Variants in KLF9 observed in about 807,000 individuals in gnomAD.
The protein encoded by KLF9 is KLF transcription factor 9.
In KLF9, 2 loss-of-function variants were observed where a neutral mutation model predicts 17.3. The ratio of observed to expected loss-of-function variants is 0.12; its 90% CI spans 0.05 to 0.36. The LOEUF (loss-of-function observed/expected upper bound fraction) is 0.36. KLF9 is among the 10% of genes least tolerant of loss of function. The pLI, the probability that KLF9 is intolerant of heterozygous loss-of-function variation, is 1.00. For missense variants in KLF9, 226 were observed against 333.2 expected, an observed-to-expected ratio of 0.68 and a Z score of 2.51; for synonymous variants, 138 against 139.2, an observed-to-expected ratio of 0.99 and a Z score of 0.06.
At chr9:70,412,186 CAAAAAAA>C (rs10644898) in intron 1 of KLF9, among the ~76,000 whole-genome samples, 33 of 47,122 alleles carry the variant, frequency 7.0e-4, no homozygotes, top group African/African-American at 2.5e-3. Flanking sequence ...GTCACATGGC[CAAAAAAA>C]AAAAAAAAAA....
At chr9:70,391,790 G>C (rs949931947) in intron 1 of KLF9, among the ~76,000 whole-genome samples, 1 of 152,068 alleles carries the variant, frequency 6.6e-6, no homozygotes, top group Non-Finnish European at 1.5e-5. Flanking sequence ...TTACCAAGTG[G>C]TTGAAAAAAA....
rs2037106087 is a variant in KLF9, at chr9:70,385,767, T to A, written c.*2009A>T. On this transcript the variant is annotated 3_prime_UTR_variant, in exon 2 of 2. Coordinates refer to ENST00000377126, the MANE Select transcript of KLF9 (RefSeq NM_001206.4). ...TATTTTGGACACAGAAATTAAAATTTGGTTTAAAATAAGTGTTTCAAAAAT... is the reference window on the plus strand; with the variant it reads ...TATTTTGGACACAGAAATTAAAATTAGGTTTAAAATAAGTGTTTCAAAAAT... The A allele has an allele frequency of 2.0e-5, 3 of 152,640 alleles. No homozygotes were observed. The highest frequency in any genetic ancestry group is 2.0e-4 in the Admixed American group (3 of 15,286). 9.5% of individuals were successfully genotyped at this position (152,640 alleles called of 1,614,324 possible). A position where few individuals can be genotyped will look rare whatever the true frequency, so the allele number is the denominator to read the frequency against.
chr9:70,391,913 G>T (rs762748410), intron 1 of KLF9, among the ~76,000 whole-genome samples: 2 of 152,224 alleles, frequency 1.3e-5, no homozygotes, highest in African/African-American at 2.4e-5. Flanking sequence ...ATCTACAGCT[G>T]CATTCTCAAA....
Position 70,387,730 on chromosome 9 carries a change from T to A in KLF9, c.*46A>T. 1 of 1,555,190 alleles carries A rather than the reference T, an allele frequency of 6.4e-7. No homozygotes were observed. Among genetic ancestry groups the A allele is most frequent in the Non-Finnish European group, 8.9e-7 (1 of 1,127,802 alleles). ...ACGCGTCTGTTTCCTGGGAGTACTT[T>A]TCTCCTTTCGGGGTCCATCCCTCCC... On this transcript the variant is annotated 3_prime_UTR_variant, in exon 2 of 2. Transcript: ENST00000377126.
At chr9:70,388,111 A>G (rs1193844588) in intron 1 of KLF9, 106 bp from the exon 2 acceptor site, 2 of 894,422 alleles carry the variant, frequency 2.2e-6, no homozygotes, top group Middle Eastern at 2.8e-4. Flanking sequence ...AATCCCTCGG[A>G]GATGATTATT....
At position 70,413,865 on chromosome 9, in the gene KLF9, G is replaced by A. The variant is rs1440286516; in HGVS notation, c.-502C>T. On this transcript the variant is annotated 5_prime_UTR_variant, in exon 1 of 2. Transcript: ENST00000377126. This position sits in a 1 kb window ranked among gnomAD's most constrained non-coding sequence, Gnocchi z 5.6. ...GTGGCGAGGGTCCCGCCGAGCGCCA[G>A]GTCTAAGAGACACTTTTTCCCGAGT... The A allele has an allele frequency of 2.6e-5, 4 of 152,708 alleles. No individual in the cohort carries two copies. Among genetic ancestry groups the A allele is most frequent in the African/African-American group, 7.2e-5 (3 of 41,444 alleles). The allele number at this position is 152,708 out of a possible 1,614,324, so 9.5% of individuals were successfully genotyped here.
In KLF9 at chr9:70,387,752, T is replaced by G; in HGVS notation, c.*24A>C. 3 of 1,607,618 alleles carry G rather than the reference T, an allele frequency of 1.9e-6. No homozygotes were observed. Among genetic ancestry groups the G allele is most frequent in the Non-Finnish European group, 2.6e-6 (3 of 1,174,506 alleles). On this transcript the variant is annotated 3_prime_UTR_variant, in exon 2 of 2. Transcript: ENST00000377126. ...CTTTTCTCCTTTCGGGGTCCATCCCTCCCTGGCTTCCACGGGCAGCACCTC... is the reference window on the plus strand; with the variant it reads ...CTTTTCTCCTTTCGGGGTCCATCCCGCCCTGGCTTCCACGGGCAGCACCTC...
intron 1 of KLF9, among the ~76,000 whole-genome samples, chr9:70,395,136 A>G (rs946145262): frequency 3.3e-5 from 5 of 152,232 alleles, no homozygotes; most frequent in African/African-American, 7.2e-5. Context: ...GAAAAGACAA[A>G]TCAGTGGAAC....
At position 70,395,378 on chromosome 9, in the gene KLF9, A is replaced by C. The variant is rs191112447; in HGVS notation, c.506-7373T>G. Among the ~76,000 whole-genome samples, 26 of 138,242 alleles carry C rather than the reference A, an allele frequency of 1.9e-4. No homozygotes were observed. The East Asian group carries it at 5.6e-3, about 30-fold the overall frequency. The allele number at this position is 138,242 out of a possible 152,430, so 90.7% of individuals were successfully genotyped here. ...AAGCCATAACGATAAAATATAGGTG[A>C]GCATTTTTAGAATCCTGGAATAGAG... On this transcript the variant is annotated intron_variant, in intron 1 of 1. Coordinates refer to ENST00000377126, the MANE Select transcript of KLF9 (RefSeq NM_001206.4).
rs975288609 is a variant in KLF9 at position 70,387,287 on chromosome 9, G to GT, written c.*488dup. ...AGCACACTCGTCATTACATTAAAAG[G>GT]TAAGAAAACAATTCTGAGAGACAGC... is the stretch of plus-strand genomic sequence containing the variant. On this transcript the variant is annotated 3_prime_UTR_variant, in exon 2 of 2. Transcript: ENST00000377126. The GT allele has an allele frequency of 1.2e-5, 2 of 160,100 alleles. No homozygotes were observed. Among genetic ancestry groups the GT allele is most frequent in the Admixed American group, 5.8e-5 (1 of 17,144 alleles). The allele number at this position is 160,100 out of a possible 1,614,324, so 9.9% of individuals were successfully genotyped here.
At chr9:70,412,230 T>TGGCTCATCA (rs2037322791) in intron 1 of KLF9, among the ~76,000 whole-genome samples, 1 of 129,814 alleles carries the variant, frequency 7.7e-6, no homozygotes, top group African/African-American at 3.0e-5. Flanking sequence ...CTCTGAAACC[T>TGGCTCATCA]GGCTCATCAG....
chr9:70,385,061 A>G lies in KLF9; in HGVS notation c.*2715T>C, dbSNP rs1459989950. On this transcript the variant is annotated 3_prime_UTR_variant, in exon 2 of 2. Transcript: ENST00000377126. ...ATGACAACTACTTACAGTATTAGAT[A>G]AAACAACTTTTCTTTCTTTTTAAAC... 1 of 152,650 alleles carries G rather than the reference A, an allele frequency of 6.6e-6. No homozygotes were observed. The highest frequency in any genetic ancestry group is 2.4e-5 in the African/African-American group (1 of 41,454). 9.5% of individuals were successfully genotyped at this position (152,650 alleles called of 1,614,324 possible). A position where few individuals can be genotyped will look rare whatever the true frequency, so the allele number is the denominator to read the frequency against.
rs1420313178 is a variant in KLF9 at position 70,414,637 on chromosome 9, G to A, written c.-1274C>T. 6.6e-6 allele frequency: 1 copy of A among 152,160 alleles called. No homozygotes were observed. Among genetic ancestry groups the A allele is most frequent in the Non-Finnish European group, 1.5e-5 (1 of 68,028 alleles). The allele number at this position is 152,160 out of a possible 1,614,324, so 9.4% of individuals were successfully genotyped here. On this transcript the variant is annotated 5_prime_UTR_variant, in exon 1 of 2. Transcript: ENST00000377126. ...CCCCATTATGTCAGGATAAGTCCAA[G>A]AATAAACACAAATGAGTAAGAATTC...
At position 70,413,214 on chromosome 9, in the gene KLF9, C is replaced by T; in HGVS notation, c.150G>A (p.Pro50=). 1 of 1,614,106 alleles carries T rather than the reference C, an allele frequency of 6.2e-7. No homozygotes were observed. Among genetic ancestry groups the T allele is most frequent in the East Asian group, 2.2e-5 (1 of 44,874 alleles). Reference sequence around the variant, plus strand: ...TGCAGTAATCCTTCCAGGTGTCCCCCGGGTCACCGTGCTCCTTGGTCACCT... The same window carrying T: ...TGCAGTAATCCTTCCAGGTGTCCCCTGGGTCACCGTGCTCCTTGGTCACCT... ...EREVTKEHGD[P]GDTWKDYCTL... is the part of the protein sequence containing the mutation. Residue 50 remains proline, a synonymous_variant, in exon 1 of 2, where the codon CCG becomes CCA. Transcript: ENST00000377126. This position sits in a 1 kb window ranked among gnomAD's most constrained non-coding sequence, Gnocchi z 5.6.
intron 1 of KLF9, among the ~76,000 whole-genome samples, chr9:70,391,442 A>G (rs1233516620): frequency 6.6e-6 from 1 of 152,176 alleles, no homozygotes; most frequent in Non-Finnish European, 1.5e-5. Context: ...AAGTGCTGTC[A>G]TTGACCTAGC....
At position 70,387,607 on chromosome 9, in the gene KLF9, T is replaced by A; in HGVS notation, c.*169A>T. 1 of 623,138 alleles carries A rather than the reference T, an allele frequency of 1.6e-6. No homozygotes were observed. The highest frequency in any genetic ancestry group is 1.8e-5 in the African/African-American group (1 of 54,548). The allele number at this position is 623,138 out of a possible 1,614,324, so 38.6% of individuals were successfully genotyped here. ...ACTTTGATCTTAGGCTACAATGTGC[T>A]TTTTAAAAACAATGCAGGGAGAGGA... is the stretch of plus-strand genomic sequence containing the variant. On this transcript the variant is annotated 3_prime_UTR_variant, in exon 2 of 2. Transcript: ENST00000377126.
intron 1 of KLF9, among the ~76,000 whole-genome samples, chr9:70,394,556 C>T (rs1165798451): frequency 6.6e-6 from 1 of 152,116 alleles, no homozygotes; most frequent in African/African-American, 2.4e-5. Flanking sequence ...TATAATTTAA[C>T]ATTTTCCAGG....
chr9:70,403,673 C>T (rs537708251), intron 1 of KLF9, among the ~76,000 whole-genome samples: 5 of 152,152 alleles, frequency 3.3e-5, no homozygotes, highest in South Asian at 2.1e-4. Context: ...TAACCTGAAC[C>T]AATAAAGTTT....
In KLF9 at chr9:70,387,531, G is replaced by A. The variant is rs184307048; in HGVS notation, c.*245C>T. 9.2e-6 allele frequency: 4 copies of A among 432,642 alleles called. No homozygotes were observed. Among genetic ancestry groups the A allele is most frequent in the African/African-American group, 7.9e-5 (4 of 50,568 alleles). The allele number at this position is 432,642 out of a possible 1,614,324, so 26.8% of individuals were successfully genotyped here. On this transcript the variant is annotated 3_prime_UTR_variant, in exon 2 of 2. Transcript: ENST00000377126. ...AAAAGCATTTGCCTTCCCTCCAACA[G>A]TCAGAGACGGGTTCAGAGAGTTGCC...
Sources: gnomAD v4.1 joint callset for allele counts (sites outside exome capture counted in the v4.1 genomes callset) on GRCh38, gnomAD v4.1.1 for gene constraint, Gnocchi (gnomAD v3.1) non-coding constraint, MANE v1.5 for transcripts, NCBI Gene and HGNC (gene_info 2026-07-23, HGNC 2026-07-21) for gene names.